Variants in TP63 observed in about 807,000 individuals in gnomAD.
TP63 encodes the protein tumor protein p63.
A neutral mutation model predicts 82.8 loss-of-function variants in TP63; 17 were observed. The observed-to-expected ratio is 0.21, with a 90% CI of 0.14 to 0.31. The LOEUF is 0.31. TP63 is among the 10% of genes least tolerant of loss of function. The pLI is 1.00. For synonymous variants in TP63, 330 were observed against 321.7 expected (o/e 1.03, Z -0.28); for missense variants, 648 against 895.3 (o/e 0.72, Z 3.52).
At position 189,815,107 on chromosome 3, in the gene TP63, C is replaced by CT. The variant is rs527468352; in HGVS notation, c.579+6587dup. ...CCCCTTCTTTCTACTCCCTCCTTCT[C>CT]TTTTTTCCTTCATTTATGTTATTAT... On this transcript the variant is annotated intron_variant, in intron 4 of 13. Transcript: ENST00000264731. Among the ~76,000 whole-genome samples, 382 of 152,106 alleles carry CT rather than the reference C, an allele frequency of 2.5e-3. 2 individuals carry two copies. Among genetic ancestry groups the CT allele is most frequent in the African/African-American group, 8.8e-3 (364 of 41,488 alleles).
intron 1 of TP63, among the ~76,000 whole-genome samples, chr3:189,641,004 G>A (rs1711812724): frequency 6.6e-6 from 1 of 151,978 alleles, no homozygotes; most frequent in Non-Finnish European, 1.5e-5. Flanking sequence ...TTAATACCTA[G>A]CCTCTCTGAA....
intron 1 of TP63, among the ~76,000 whole-genome samples, chr3:189,657,906 A>G (rs1713531193): frequency 6.6e-6 from 1 of 152,124 alleles, no homozygotes; most frequent in African/African-American, 2.4e-5. Flanking sequence ...GGACTGGTAC[A>G]GAAGCAAGGA....
rs201030905 is a variant in TP63 at position 189,842,800 on chromosome 3, A to C, written c.580-21432A>C. Among the ~76,000 whole-genome samples the C allele has an allele frequency of 5.9e-5, 9 of 152,260 alleles. No homozygotes were observed. In the East Asian group the frequency reaches 1.7e-3, roughly 29 times the overall value. ...TTCTCATGATGGTCGTGACTTTAGG[A>C]AACATGTAAGAGTAAGCCGACCTTA... is the stretch of plus-strand genomic sequence containing the variant. On this transcript the variant is annotated intron_variant, in intron 4 of 13. Coordinates refer to ENST00000264731, the MANE Select transcript of TP63 (RefSeq NM_003722.5).
At chr3:189,867,071 T>C (rs944272152) in intron 6 of TP63, among the ~76,000 whole-genome samples, 1 of 152,336 alleles carries the variant, frequency 6.6e-6, no homozygotes. Flanking sequence ...CAATTGGGTG[T>C]ATACATGAGA....
At chr3:189,881,371 A>G in intron 10 of TP63, 5 of 985,358 alleles carry the variant, frequency 5.1e-6, no homozygotes, top group Non-Finnish European at 4.8e-6. Flanking sequence ...CCTCCCCTCC[A>G]TCTTCCCACA....
At chr3:189,836,751 C>T (rs1713209836) in intron 4 of TP63, among the ~76,000 whole-genome samples, 1 of 152,194 alleles carries the variant, frequency 6.6e-6, no homozygotes, top group African/African-American at 2.4e-5. Flanking sequence ...TTCTAACACT[C>T]GCCTCAGTTC....
intron 4 of TP63, among the ~76,000 whole-genome samples, chr3:189,841,887 G>A (rs1019791692): frequency 3.0e-4 from 45 of 152,212 alleles, no homozygotes; most frequent in African/African-American, 4.8e-5. Context: ...CACTGCGTGA[G>A]GCTTTGTCTT....
chr3:189,843,834 A>C (rs1407187554), intron 4 of TP63, among the ~76,000 whole-genome samples: 2 of 152,228 alleles, frequency 1.3e-5, no homozygotes, highest in Non-Finnish European at 2.9e-5. Context: ...ACTAGAAGCC[A>C]AACTCAATGC....
At chr3:189,851,739 A>C (rs1351858441) in intron 4 of TP63, among the ~76,000 whole-genome samples, 2 of 151,988 alleles carry the variant, frequency 1.3e-5, no homozygotes, top group Non-Finnish European at 2.9e-5. Flanking sequence ...GGGCAGAAAT[A>C]AGTTGTGAAA....
intron 3 of TP63, among the ~76,000 whole-genome samples, chr3:189,800,215 G>A (rs532276136): frequency 7.2e-5 from 11 of 152,178 alleles, no homozygotes; most frequent in Non-Finnish European, 1.6e-4. Flanking sequence ...GACTGAAGGA[G>A]TTAGCCTTTA....
chr3:189,707,921 A>G (rs1718321189), intron 1 of TP63, among the ~76,000 whole-genome samples: 1 of 152,208 alleles, frequency 6.6e-6, no homozygotes, highest in Non-Finnish European at 1.5e-5. Context: ...GCGTACATAC[A>G]TATACAAAGA....
rs981457642 is a variant in TP63 at position 189,868,479 on chromosome 3, G to C, written c.993-101G>C. 169 of 1,536,766 alleles carry C rather than the reference G, an allele frequency of 1.1e-4. 1 individual carries two copies. Among genetic ancestry groups the C allele is most frequent in the Non-Finnish European group, 1.4e-4 (161 of 1,132,880 alleles). ...GCCGCCATGGCTAAGCTGGTAGTAC[G>C]TTGGCGATGGCCCATATGGGAAGTG... is the stretch of plus-strand genomic sequence containing the variant. On this transcript the variant is annotated intron_variant, in intron 7 of 13. Coordinates refer to ENST00000264731, the MANE Select transcript of TP63 (RefSeq NM_003722.5).
rs1560312956 is a variant in TP63 at position 189,895,052 on chromosome 3, C to A, written c.*550C>A. ...GCTACATGTGAGTGACGATGATGTACAGATTCTTTCAGTTCTTTGGATTCT... is the reference window on the plus strand; with the variant it reads ...GCTACATGTGAGTGACGATGATGTAAAGATTCTTTCAGTTCTTTGGATTCT... On this transcript the variant is annotated 3_prime_UTR_variant, in exon 14 of 14. Coordinates refer to ENST00000264731, the MANE Select transcript of TP63 (RefSeq NM_003722.5). 2 of 220,386 alleles carry A rather than the reference C, an allele frequency of 9.1e-6. No individual in the cohort carries two copies. Among genetic ancestry groups the A allele is most frequent in the Non-Finnish European group, 1.8e-5 (2 of 109,926 alleles). 13.7% of individuals were successfully genotyped at this position (220,386 alleles called of 1,614,324 possible). A position where few individuals can be genotyped will look rare whatever the true frequency, so the allele number is the denominator to read the frequency against.
At chr3:189,758,123 A>C (rs569576930) in intron 3 of TP63, among the ~76,000 whole-genome samples, 1 of 152,276 alleles carries the variant, frequency 6.6e-6, no homozygotes, top group South Asian at 2.1e-4. Flanking sequence ...TTGGGAATGA[A>C]ACTGTTCTAC....
chr3:189,863,643 C>T (rs1717318969), intron 4 of TP63, among the ~76,000 whole-genome samples: 1 of 152,158 alleles, frequency 6.6e-6, no homozygotes, highest in African/African-American at 2.4e-5. Flanking sequence ...TAGTCTTTGA[C>T]ATCAGAAGGA....
chr3:189,665,359 T>C (rs1487635727), intron 1 of TP63, among the ~76,000 whole-genome samples: 1 of 152,154 alleles, frequency 6.6e-6, no homozygotes, highest in East Asian at 1.9e-4. Flanking sequence ...GCTTCTGCTA[T>C]TCACAAATTC....
rs146466355 is a variant in TP63, at chr3:189,835,235, T to C, written c.579+26709T>C. On this transcript the variant is annotated intron_variant, in intron 4 of 13. Transcript: ENST00000264731. ...TCTAGTTATACTGTCTAGAAGGACA[T>C]AGATGAATAGTTATATTTTATAAAA... Among the ~76,000 whole-genome samples, 66 of 152,194 alleles carry C rather than the reference T, an allele frequency of 4.3e-4. 2 individuals carry two copies. The highest frequency in any genetic ancestry group is 7.3e-5 in the Non-Finnish European group (5 of 68,030).
intron 10 of TP63, among the ~76,000 whole-genome samples, chr3:189,876,410 A>G (rs576450643): frequency 6.6e-6 from 1 of 152,340 alleles, no homozygotes; most frequent in African/African-American, 2.4e-5. Flanking sequence ...AGAAGAAAAC[A>G]CATGTTAATA....
At chr3:189,611,470 T>G in the TP63 span, among the ~76,000 whole-genome samples, 1 of 152,174 alleles carries the variant, frequency 6.6e-6, no homozygotes, top group Non-Finnish European at 1.5e-5. Flanking sequence ...GAGGCCTTAT[T>G]GCTGAGCCCT....
Sources: gnomAD v4.1 joint callset for allele counts (sites outside exome capture counted in the v4.1 genomes callset) on GRCh38, gnomAD v4.1.1 for gene constraint, MANE v1.5 for transcripts, NCBI Gene and HGNC (gene_info 2026-07-23, HGNC 2026-07-21) for gene names.